The following CCDC158 variants were observed in gnomAD, a reference collection of about 807,000 sequenced individuals.
The protein encoded by CCDC158 is coiled-coil domain-containing protein 158.
CCDC158 carries 116 observed loss-of-function variants against 138.6 expected under a neutral mutation model. The ratio of observed to expected loss-of-function variants is 0.84; its 90% CI spans 0.72 to 0.98. The LOEUF is 0.98. Ranked by LOEUF, CCDC158 falls within the 50% of genes least tolerant of loss-of-function variation. The probability of loss-of-function intolerance (pLI) is 0.00; values close to 1 mark genes in which losing one functional copy is unlikely to be tolerated. For synonymous variants in CCDC158, 436 were observed against 442.4 expected (o/e 0.99, Z 0.18); for missense variants, 1,265 against 1,306.1 (o/e 0.97, Z 0.48).
chr4:76,384,398 G>A lies in CCDC158; in HGVS notation c.416C>T (p.Ser139Phe), dbSNP rs910724915. ...AAGCTGATTTCTTAAATCCTCCTGG[G>A]ACTGACTCTCCCTTCGTCTATGAAA... ...MADIRRRESQ[S>F]QEDLRNQLQN... is the part of the protein sequence containing the mutation. The change falls in exon 6 of 25, where the codon TCC (serine) becomes TTC (phenylalanine). Residue 139 changes from serine (S) to phenylalanine (F), a missense_variant. Coordinates refer to ENST00000682701, the MANE Select transcript of CCDC158 (RefSeq NM_001394954.1). 1.2e-6 allele frequency: 2 copies of A among 1,612,076 alleles called. No homozygotes were observed. The highest frequency in any genetic ancestry group is 1.3e-5 in the African/African-American group (1 of 74,782).
At chr4:76,378,458 T>C in intron 9 of CCDC158, among the ~76,000 whole-genome samples, 1 of 152,182 alleles carries the variant, frequency 6.6e-6, no homozygotes. Flanking sequence ...TAAGGGTCTC[T>C]TATAGGTAGG....
At chr4:76,325,132 T>C (rs1247171763) in intron 23 of CCDC158, among the ~76,000 whole-genome samples, 2 of 152,096 alleles carry the variant, frequency 1.3e-5, no homozygotes. Context: ...AGGACACAAG[T>C]ACAGAAAAAA....
intron 18 of CCDC158, among the ~76,000 whole-genome samples, chr4:76,337,956 C>G (rs1381433934): frequency 6.6e-6 from 1 of 152,128 alleles, no homozygotes; most frequent in African/African-American, 2.4e-5. Flanking sequence ...TGGGGCCACA[C>G]AGCAGGAGGT....
chr4:76,375,776 T>G (rs1202925723), intron 9 of CCDC158: 1 of 572,778 alleles, frequency 1.7e-6, no homozygotes, highest in East Asian at 2.9e-5. Context: ...AAGCTACATC[T>G]CACATTTTTT....
At chr4:76,346,657 C>T (rs978679639) in intron 18 of CCDC158, among the ~76,000 whole-genome samples, 3 of 152,080 alleles carry the variant, frequency 2.0e-5, no homozygotes, top group East Asian at 1.9e-4. Context: ...TGGCAGTGGG[C>T]AAAGATCATG....
intron 10 of CCDC158, 40 bp downstream of exon 10, chr4:76,371,377 C>A: frequency 1.3e-6 from 2 of 1,581,054 alleles, no homozygotes; most frequent in Non-Finnish European, 1.7e-6. Context: ...GAAAAACTTC[C>A]CAGAATTAGT....
intron 12 of CCDC158, 52 bp from the exon 13 acceptor site, chr4:76,362,367 T>C (rs1270041606): frequency 7.4e-7 from 1 of 1,352,172 alleles, no homozygotes; most frequent in Admixed American, 1.9e-5. Context: ...TATGTACATG[T>C]ATAGTTATAA....
chr4:76,344,876 A>G, intron 18 of CCDC158: 3 of 1,567,716 alleles, frequency 1.9e-6, no homozygotes, highest in Non-Finnish European at 2.6e-6. Context: ...AGATGAAACA[A>G]GAACTGGAAG....
At chr4:76,391,992 C>A (rs553664881) in intron 4 of CCDC158, among the ~76,000 whole-genome samples, 1 of 151,534 alleles carries the variant, frequency 6.6e-6, no homozygotes, top group South Asian at 2.1e-4. Flanking sequence ...CTGAACAAGT[C>A]CCAGTAAAGA....
intron 18 of CCDC158, among the ~76,000 whole-genome samples, chr4:76,346,400 C>T (rs896784593): frequency 6.6e-6 from 1 of 152,148 alleles, no homozygotes; most frequent in Non-Finnish European, 1.5e-5. Flanking sequence ...TCTAATTAAA[C>T]TAAAGAGCTT....
At chr4:76,346,744 CA>C (rs1456309548) in intron 18 of CCDC158, among the ~76,000 whole-genome samples, 1 of 152,048 alleles carries the variant, frequency 6.6e-6, no homozygotes, top group Non-Finnish European at 1.5e-5. Flanking sequence ...GAACAGGCAA[CA>C]TACAGAATGA....
intron 15 of CCDC158, 45 bp downstream of exon 15, chr4:76,355,279 G>A (rs1374203714): frequency 1.6e-6 from 2 of 1,214,992 alleles, no homozygotes; most frequent in South Asian, 2.4e-5. Flanking sequence ...TGGTCTGCCT[G>A]TGAGTGAACA....
intron 4 of CCDC158, among the ~76,000 whole-genome samples, chr4:76,389,819 G>A (rs538393795): frequency 6.6e-6 from 1 of 152,192 alleles, no homozygotes; most frequent in African/African-American, 2.4e-5. Flanking sequence ...TATTTAAAGT[G>A]CTGAAAGAAA....
intron 24 of CCDC158, among the ~76,000 whole-genome samples, chr4:76,317,764 A>G (rs977706208): frequency 6.6e-6 from 1 of 152,196 alleles, no homozygotes; most frequent in Non-Finnish European, 1.5e-5. Flanking sequence ...AGGCCACAAA[A>G]CAAGTCTCAA....
chr4:76,358,469 C>A (rs763366561), intron 13 of CCDC158, among the ~76,000 whole-genome samples: 14 of 152,172 alleles, frequency 9.2e-5, no homozygotes, highest in Non-Finnish European at 1.9e-4. Flanking sequence ...TACTTAATAT[C>A]TTTTGTGGGC....
intron 18 of CCDC158, chr4:76,344,409 A>G: frequency 1.7e-6 from 1 of 596,304 alleles, no homozygotes; most frequent in Non-Finnish European, 3.0e-6. Context: ...TGCTGGTGGT[A>G]TTGTCTTGTG....
chr4:76,379,390 T>C lies in CCDC158; in HGVS notation c.929A>G (p.Asn310Ser), dbSNP rs1364624399. ...CTGACGCATATACATAGAGTTTTGG[T>C]TTCTTGCTTGCTCTCTAAGAAGAGT... ...QMEIIQEQAR[N>S]QNSMYMRQLS... The change falls in exon 9 of 25, where the codon AAC (asparagine) becomes AGC (serine). Residue 310 changes from asparagine (N) to serine (S), a missense_variant. Physicochemically the swap from Asn to Ser is conservative, Grantham distance 46. Coordinates refer to ENST00000682701, the MANE Select transcript of CCDC158 (RefSeq NM_001394954.1). 1.9e-6 allele frequency: 3 copies of C among 1,599,302 alleles called. No homozygotes were observed. Among genetic ancestry groups the C allele is most frequent in the Non-Finnish European group, 2.6e-6 (3 of 1,174,454 alleles).
chr4:76,388,590 T>C (rs953168534), intron 4 of CCDC158, among the ~76,000 whole-genome samples: 1 of 152,064 alleles, frequency 6.6e-6, no homozygotes, highest in African/African-American at 2.4e-5. Flanking sequence ...TAAGGTAAAC[T>C]CCTAAGGTAT....
At chr4:76,404,307 G>T (rs2109872280) in intron 2 of CCDC158, among the ~76,000 whole-genome samples, 1 of 152,266 alleles carries the variant, frequency 6.6e-6, no homozygotes, top group African/African-American at 2.4e-5. Context: ...ATAGATAAAA[G>T]CAGACTATAT....
Sources: allele counts gnomAD v4.1 joint callset (sites outside exome capture counted in the v4.1 genomes callset), GRCh38; gene constraint gnomAD v4.1.1; transcripts MANE v1.5; gene names NCBI Gene and HGNC (gene_info 2026-07-23, HGNC 2026-07-21).